The following DCDC1 variants were observed in gnomAD, a reference collection of about 807,000 sequenced individuals.
DCDC1 encodes doublecortin domain containing 1, also known as doublecortin domain-containing protein 1.
A neutral mutation model predicts 178.3 loss-of-function variants in DCDC1; 200 were observed. That is an observed-to-expected ratio of 1.12 (90% CI 1.00 to 1.26). DCDC1 has a LOEUF of 1.26. Among genes scored for constraint, DCDC1 ranks in the 50% most tolerant of loss-of-function variants. The pLI is 0.00. For synonymous variants in DCDC1, 690 were observed against 604.8 expected (o/e 1.14, Z -2.07); for missense variants, 1,983 against 1,749.2 (o/e 1.13, Z -2.38).
At chr11:31,054,244 G>GAAAAAAAAAAAAAAAA (rs58611104) in intron 20 of DCDC1, among the ~76,000 whole-genome samples, 1 of 119,070 alleles carries the variant, frequency 8.4e-6, no homozygotes. Context: ...AAGGAAAAAA[G>GAAAAAAAAAAAAAAAA]AAAAAAAAAA....
At chr11:31,144,866 T>G (rs183314377) in intron 9 of DCDC1, among the ~76,000 whole-genome samples, 3 of 152,168 alleles carry the variant, frequency 2.0e-5, no homozygotes, top group Non-Finnish European at 4.4e-5. Flanking sequence ...TTGCTTTTGA[T>G]GTTATTAAAG....
In DCDC1 at chr11:30,894,338, C is replaced by T; in HGVS notation, c.4812G>A (p.Lys1604=). 1 of 1,613,894 alleles carries T rather than the reference C, an allele frequency of 6.2e-7. No homozygotes were observed. Among genetic ancestry groups the T allele is most frequent in the South Asian group, 1.1e-5 (1 of 91,064 alleles). ...ACQPATMVPT[K]SPVQPVVVEG... ...CAACCACCACGGGCTGCACAGGGCT[C>T]TTGGTAGGAACCATGGTGGCTGGCT... Residue 1604 remains lysine (K), a synonymous_variant, in exon 35 of 39, where the codon AAG becomes AAA. Transcript: ENST00000684477.
chr11:30,933,447 ATG>A (rs1424965671), intron 21 of DCDC1, among the ~76,000 whole-genome samples: 1 of 152,104 alleles, frequency 6.6e-6, no homozygotes, highest in Non-Finnish European at 1.5e-5. Context: ...CTCATCACTT[ATG>A]TGTTAATTAC....
At chr11:31,356,606 T>C (rs1951381550) in intron 1 of DCDC1, among the ~76,000 whole-genome samples, 1 of 149,866 alleles carries the variant, frequency 6.7e-6, no homozygotes, top group African/African-American at 2.5e-5. Flanking sequence ...CTGAAGGAAA[T>C]AGAGACACAA....
In DCDC1 at chr11:31,306,230, A is replaced by G; in HGVS notation, c.591+2T>C. ...CACAGAAAACTTTGGAACACTAGTT[A>G]CCAAGGTGATGGTTGGTACAGTAAC... On this transcript the variant is annotated splice_donor_variant, in intron 5 of 38. Coordinates refer to ENST00000684477, the MANE Select transcript of DCDC1 (RefSeq NM_001387274.1). LOFTEE classifies it high-confidence loss of function. The G allele has an allele frequency of 2.6e-6, 4 of 1,519,044 alleles. No individual in the cohort carries two copies. Among genetic ancestry groups the G allele is most frequent in the Non-Finnish European group, 2.6e-6 (3 of 1,133,462 alleles). The allele number at this position is 1,519,044 out of a possible 1,614,324, so 94.1% of individuals were successfully genotyped here. A position where few individuals can be genotyped will look rare whatever the true frequency, so the allele number is the denominator to read the frequency against.
intron 9 of DCDC1, among the ~76,000 whole-genome samples, chr11:31,219,186 A>T (rs537134488): frequency 7.9e-5 from 12 of 152,302 alleles, no homozygotes; most frequent in African/African-American, 2.9e-4. Flanking sequence ...AAAAAAAAGT[A>T]AAAATTTTAG....
chr11:31,361,627 T>C (rs1011898682), intron 1 of DCDC1, among the ~76,000 whole-genome samples: 2 of 152,072 alleles, frequency 1.3e-5, no homozygotes, highest in Non-Finnish European at 1.5e-5. Flanking sequence ...ACTACAGGCA[T>C]GCACCACCAC....
At chr11:31,321,524 G>GCA (rs1489236075) in intron 3 of DCDC1, among the ~76,000 whole-genome samples, 4 of 152,106 alleles carry the variant, frequency 2.6e-5, no homozygotes, top group Non-Finnish European at 2.9e-5. Context: ...CGCGCACGGT[G>GCA]CACACACACA....
chr11:30,887,419 G>T (rs1943273226), intron 36 of DCDC1, among the ~76,000 whole-genome samples: 2 of 152,082 alleles, frequency 1.3e-5, no homozygotes, highest in African/African-American at 4.8e-5. Flanking sequence ...GTTTTAAATT[G>T]GCTTCTTTTA....
intron 11 of DCDC1, among the ~76,000 whole-genome samples, chr11:31,122,312 T>C (rs1233892754): frequency 6.6e-6 from 1 of 152,132 alleles, no homozygotes; most frequent in African/African-American, 2.4e-5. Flanking sequence ...AATGAGAATT[T>C]CTTTGTGGGG....
At position 30,937,742 on chromosome 11, in the gene DCDC1, A is replaced by G. The variant is rs578143272; in HGVS notation, c.2716-5790T>C. On this transcript the variant is annotated intron_variant, in intron 21 of 38. Coordinates refer to ENST00000684477, the MANE Select transcript of DCDC1 (RefSeq NM_001387274.1). ...CATCCATCAATCTTCCACAGTTTCT[A>G]TTTTATCTTCCTTATGTAGCTCCCC... Among the ~76,000 whole-genome samples the G allele has an allele frequency of 2.0e-5, 3 of 152,038 alleles. No homozygotes were observed. The South Asian group carries it at 6.2e-4, about 32-fold the overall frequency.
At chr11:31,048,253 A>C (rs1306689018) in intron 20 of DCDC1, among the ~76,000 whole-genome samples, 1 of 152,218 alleles carries the variant, frequency 6.6e-6, no homozygotes, top group Non-Finnish European at 1.5e-5. Flanking sequence ...GAATACAAAA[A>C]TGAGAAATTA....
At chr11:31,096,763 C>T (rs1411307815) in intron 15 of DCDC1, among the ~76,000 whole-genome samples, 1 of 151,434 alleles carries the variant, frequency 6.6e-6, no homozygotes. Context: ...ATGGCCATTA[C>T]ATTTTTCTTC....
At chr11:31,066,828 C>A (rs148702904) in intron 18 of DCDC1, among the ~76,000 whole-genome samples, 1 of 152,062 alleles carries the variant, frequency 6.6e-6, no homozygotes, top group African/African-American at 2.4e-5. Context: ...AGAATGTGCA[C>A]CACCAAAAGT....
intron 7 of DCDC1, among the ~76,000 whole-genome samples, chr11:31,275,313 G>A (rs1945897609): frequency 6.6e-6 from 1 of 152,064 alleles, no homozygotes; most frequent in Non-Finnish European, 1.5e-5. Context: ...CCAGAGCACT[G>A]ACTTTTTGCA....
intron 36 of DCDC1, among the ~76,000 whole-genome samples, chr11:30,886,932 A>G (rs1438373805): frequency 6.6e-6 from 1 of 152,136 alleles, no homozygotes; most frequent in East Asian, 1.9e-4. Context: ...TCACTATTCT[A>G]TAGAGATCAT....
intron 18 of DCDC1, among the ~76,000 whole-genome samples, chr11:31,067,661 T>C (rs1264043201): frequency 6.6e-6 from 1 of 152,084 alleles, no homozygotes; most frequent in Admixed American, 6.5e-5. Context: ...AACTGATAAA[T>C]GTATTAAAAA....
Position 30,911,392 on chromosome 11 carries a change from G to A in DCDC1, c.3682C>T (p.Leu1228Phe), listed in dbSNP as rs763632149. ...TTGGTCATAGACACTGCCAGCACAA[G>A]GTCAGGGTTACTCACAAGGTGAAAG... Reference protein sequence around the residue: ...RTFHLVSNPDLVLAVSMTKTR... With the variant: ...RTFHLVSNPDFVLAVSMTKTR... Residue 1228 changes from leucine to phenylalanine, a missense_variant, in exon 28 of 39, where the codon CTT becomes TTT. Transcript: ENST00000684477. The A allele has an allele frequency of 1.2e-6, 2 of 1,603,516 alleles. No individual in the cohort carries two copies. Among genetic ancestry groups the A allele is most frequent in the Non-Finnish European group, 1.7e-6 (2 of 1,174,848 alleles).
At chr11:31,152,971 A>G (rs562523209) in intron 9 of DCDC1, among the ~76,000 whole-genome samples, 2 of 152,326 alleles carry the variant, frequency 1.3e-5, no homozygotes, top group South Asian at 2.1e-4. Context: ...GCTGCCATCT[A>G]TCTCTACATA....
Sources: allele counts gnomAD v4.1 joint callset (sites outside exome capture counted in the v4.1 genomes callset), GRCh38; gene constraint gnomAD v4.1.1; transcripts MANE v1.5; gene names NCBI Gene and HGNC (gene_info 2026-07-23, HGNC 2026-07-21).